Variants in TACR1 observed in about 807,000 individuals in gnomAD.
TACR1 encodes the protein tachykinin receptor 1.
A neutral mutation model predicts 35.8 loss-of-function variants in TACR1; 25 were observed. The observed-to-expected ratio is 0.70, with a 90% CI of 0.51 to 0.98. The LOEUF (loss-of-function observed/expected upper bound fraction) is 0.98, where lower values mean the gene tolerates loss of function less well. TACR1 is among the 50% of genes least tolerant of loss of function. The probability of loss-of-function intolerance (pLI) is 0.00; values close to 1 mark genes in which losing one functional copy is unlikely to be tolerated. For synonymous variants in TACR1, 195 were observed against 206.7 expected (o/e 0.94, Z 0.48); for missense variants, 478 against 522.9 (o/e 0.91, Z 0.84).
intron 1 of TACR1, among the ~76,000 whole-genome samples, chr2:75,173,611 C>T (rs892132309): frequency 6.6e-6 from 1 of 152,176 alleles, no homozygotes; most frequent in African/African-American, 2.4e-5. Flanking sequence ...TAGCAGCTGC[C>T]ATCTCTACAA....
At chr2:75,090,172 C>G (rs1252262542) in intron 2 of TACR1, among the ~76,000 whole-genome samples, 1 of 152,216 alleles carries the variant, frequency 6.6e-6, no homozygotes, top group Non-Finnish European at 1.5e-5. Context: ...GTCCATCCTC[C>G]TATCCTGTTC....
chr2:75,118,273 A>G (rs1270431084), intron 2 of TACR1, among the ~76,000 whole-genome samples: 2 of 152,254 alleles, frequency 1.3e-5, no homozygotes, highest in African/African-American at 4.8e-5. Flanking sequence ...GAATAAAGCT[A>G]TGCTATGCAC....
chr2:75,188,822 A>G (rs1558587248), intron 1 of TACR1: 1 of 152,226 alleles, frequency 6.6e-6, no homozygotes, highest in Non-Finnish European at 1.5e-5. Flanking sequence ...GACCTTCTTT[A>G]TAAGAGTACA....
chr2:75,049,514 T>G lies in TACR1; in HGVS notation c.1142A>C (p.Asp381Ala). The G allele has an allele frequency of 6.2e-7, 1 of 1,614,140 alleles. No homozygotes were observed. Among genetic ancestry groups the G allele is most frequent in the East Asian group, 2.2e-5 (1 of 44,876 alleles). ...TCGTGAAGAGCAGTTGGAGGTCAGG[T>G]CCAGGGACGAGGGTGTGGCCTTGGG... Reference protein sequence around the residue: ...DGPKATPSSLDLTSNCSSRSD... With the variant: ...DGPKATPSSLALTSNCSSRSD... Residue 381 changes from aspartate (D) to alanine (A), a missense_variant, in exon 5 of 5, where the codon GAC (aspartate) becomes GCC (alanine). Physicochemically the swap from Asp to Ala is moderately radical, Grantham distance 126 (BLOSUM62 -2). Coordinates refer to ENST00000305249, the MANE Select transcript of TACR1 (RefSeq NM_001058.4).
At chr2:75,126,363 C>G (rs1337605828) in intron 1 of TACR1, among the ~76,000 whole-genome samples, 1 of 152,102 alleles carries the variant, frequency 6.6e-6, no homozygotes, top group Non-Finnish European at 1.5e-5. Flanking sequence ...CATGTCTTTG[C>G]TATTGTGAAT....
intron 1 of TACR1, among the ~76,000 whole-genome samples, chr2:75,122,597 G>T (rs1572942803): frequency 1.3e-5 from 2 of 152,156 alleles, no homozygotes; most frequent in African/African-American, 2.4e-5. Context: ...TGGGTAGGTG[G>T]TCTTAAAGTG....
intron 1 of TACR1, among the ~76,000 whole-genome samples, chr2:75,162,490 A>G (rs373550087): frequency 6.6e-6 from 1 of 152,234 alleles, no homozygotes; most frequent in African/African-American, 2.4e-5. Flanking sequence ...CTTCTATTTT[A>G]GGAAAGAGAA....
At chr2:75,070,787 T>C (rs1384400765) in intron 2 of TACR1, among the ~76,000 whole-genome samples, 2 of 152,208 alleles carry the variant, frequency 1.3e-5, no homozygotes, top group African/African-American at 4.8e-5. Flanking sequence ...TGCATAGCCA[T>C]GCATCTGGTG....
chr2:75,182,291 C>T (rs1252757193), intron 1 of TACR1, among the ~76,000 whole-genome samples: 2 of 152,212 alleles, frequency 1.3e-5, no homozygotes, highest in African/African-American at 4.8e-5. Context: ...ATGGCCTGTG[C>T]TCCCTGCAAG....
At chr2:75,109,853 G>A (rs1179335498) in intron 2 of TACR1, among the ~76,000 whole-genome samples, 2 of 152,132 alleles carry the variant, frequency 1.3e-5, no homozygotes, top group African/African-American at 2.4e-5. Context: ...AATCAAGTTA[G>A]TAAAATAGTA....
intron 1 of TACR1, among the ~76,000 whole-genome samples, chr2:75,166,514 C>T (rs974617410): frequency 5.9e-5 from 9 of 152,190 alleles, no homozygotes; most frequent in Non-Finnish European, 8.8e-5. Context: ...AATCAATCAG[C>T]GCTCCTTCTG....
chr2:75,152,804 T>C (rs145251331), intron 1 of TACR1, among the ~76,000 whole-genome samples: 37 of 152,352 alleles, frequency 2.4e-4, no homozygotes, highest in African/African-American at 8.2e-4. Context: ...GGGTTGTTCC[T>C]TAGGAGAATA....
chr2:75,138,663 C>T (rs747144373), intron 1 of TACR1, among the ~76,000 whole-genome samples: 63 of 152,096 alleles, frequency 4.1e-4, no homozygotes, highest in Non-Finnish European at 6.8e-4. Context: ...GTCGTCATGT[C>T]AAGGACTGGG....
intron 2 of TACR1, among the ~76,000 whole-genome samples, chr2:75,097,159 G>A (rs1427458146): frequency 3.3e-5 from 5 of 152,172 alleles, no homozygotes; most frequent in Admixed American, 3.3e-4. Context: ...ATAGAAGTAG[G>A]TGCCTTCTGA....
chr2:75,078,605 C>G (rs1673022715), intron 2 of TACR1, among the ~76,000 whole-genome samples: 1 of 152,156 alleles, frequency 6.6e-6, no homozygotes, highest in Admixed American at 6.5e-5. Context: ...CATGTTCCAC[C>G]TGAACCTACT....
chr2:75,155,416 C>G (rs1674821261), intron 1 of TACR1, among the ~76,000 whole-genome samples: 1 of 152,036 alleles, frequency 6.6e-6, no homozygotes, highest in Non-Finnish European at 1.5e-5. Context: ...CTTACATGCC[C>G]TTCTTCCCCC....
In TACR1 at chr2:75,120,765, G is replaced by A. The variant is rs1332840486; in HGVS notation, c.393C>T (p.Tyr131=). 5 of 1,610,210 alleles carry A rather than the reference G, an allele frequency of 3.1e-6. No homozygotes were observed. The highest frequency in any genetic ancestry group is 4.2e-6 in the Non-Finnish European group (5 of 1,178,380). ...GCTGGAGGGGATGTATGATGGCCATGTACCTGGAACAGAGAAGAAAGAACA... is the reference window on the plus strand; with the variant it reads ...GCTGGAGGGGATGTATGATGGCCATATACCTGGAACAGAGAAGAAAGAACA... ...YSMTAVAFDR[Y]MAIIHPLQPR... The change falls in exon 2 of 5, where the codon TAC becomes TAT. Residue 131 remains tyrosine, a synonymous_variant. Transcript: ENST00000305249.
intron 1 of TACR1, among the ~76,000 whole-genome samples, chr2:75,177,086 G>A (rs2104033318): frequency 6.6e-6 from 1 of 152,038 alleles, no homozygotes; most frequent in Admixed American, 6.5e-5. Flanking sequence ...ACCCACCACA[G>A]AGCCGGCACC....
intron 1 of TACR1, chr2:75,156,460 G>T (rs546574908): frequency 4.0e-5 from 6 of 149,458 alleles, no homozygotes; most frequent in African/African-American, 1.5e-4. Context: ...AAAATTAGCC[G>T]GGCATGGTGG....
Sources: gnomAD v4.1 joint callset for allele counts (sites outside exome capture counted in the v4.1 genomes callset) on GRCh38, gnomAD v4.1.1 for gene constraint, MANE v1.5 for transcripts, NCBI Gene and HGNC (gene_info 2026-07-23, HGNC 2026-07-21) for gene names.